DNAH10: variants seen among roughly 807,000 people sequenced by gnomAD.
The protein encoded by DNAH10 is dynein axonemal heavy chain 10.
In DNAH10, 348 loss-of-function variants were observed where a neutral mutation model predicts 506.6. That is an observed-to-expected ratio of 0.69 (90% CI 0.63 to 0.75). The LOEUF (loss-of-function observed/expected upper bound fraction) is 0.75. DNAH10 is among the 30% of genes least tolerant of loss of function. The pLI, the probability that DNAH10 is intolerant of heterozygous loss-of-function variation, is 0.00. For synonymous variants in DNAH10, 2,059 were observed against 2,198.6 expected (o/e 0.94, Z 1.78); for missense variants, 5,179 against 5,787.1 (o/e 0.89, Z 3.41).
Position 123,801,278 on chromosome 12 carries a change from C to G in DNAH10, c.2463-3C>G. ...AGGTTTATGACATTCCTGTCATGTGCAGGTACACAGCTGGGATACAGCGCA... is the reference window on the plus strand; with the variant it reads ...AGGTTTATGACATTCCTGTCATGTGGAGGTACACAGCTGGGATACAGCGCA... On this transcript the variant is annotated splice_polypyrimidine_tract_variant and splice_region_variant and intron_variant, in intron 15 of 78. Transcript: ENST00000673944. 6.2e-7 allele frequency: 1 copy of G among 1,613,248 alleles called. No homozygotes were observed. Among genetic ancestry groups the G allele is most frequent in the Non-Finnish European group, 8.5e-7 (1 of 1,179,602 alleles).
intron 13 of DNAH10, among the ~76,000 whole-genome samples, chr12:123,797,597 T>A (rs1958329192): frequency 6.6e-6 from 1 of 152,068 alleles, no homozygotes; most frequent in Admixed American, 6.5e-5. Flanking sequence ...TGCACCATGT[T>A]GCCTGCCCAG....
chr12:123,935,067 T>A, intron 78 of DNAH10: 1 of 599,630 alleles, frequency 1.7e-6, no homozygotes, highest in South Asian at 2.2e-5. Flanking sequence ...AGACATTGCC[T>A]GAGTCATAAA....
chr12:123,835,296 C>T, intron 27 of DNAH10, 110 bp from the exon 28 acceptor site: 2 of 1,302,090 alleles, frequency 1.5e-6, no homozygotes, highest in Non-Finnish European at 2.1e-6. Flanking sequence ...CTGGAAGGTC[C>T]TCCCACCTGA....
Position 123,919,038 on chromosome 12 carries a change from G to C in DNAH10, c.11506+89G>C, listed in dbSNP as rs767917994. ...GAAACGTGATCTGTGAAAATGGAAAGTTACCAAATAGCATTTTTTCTTTTT... is the reference window on the plus strand; with the variant it reads ...GAAACGTGATCTGTGAAAATGGAAACTTACCAAATAGCATTTTTTCTTTTT... On this transcript the variant is annotated intron_variant, in intron 65 of 78. Transcript: ENST00000673944. The surrounding 1 kb of genome is among the most constrained non-coding windows in gnomAD (Gnocchi z 4.9). 1.4e-6 allele frequency: 2 copies of C among 1,390,526 alleles called. No individual in the cohort carries two copies. Among genetic ancestry groups the C allele is most frequent in the Non-Finnish European group, 1.9e-6 (2 of 1,051,098 alleles). 86.1% of individuals were successfully genotyped at this position (1,390,526 alleles called of 1,614,324 possible).
chr12:123,799,687 T>C (rs1958413239), intron 14 of DNAH10, among the ~76,000 whole-genome samples: 1 of 152,206 alleles, frequency 6.6e-6, no homozygotes. Context: ...GAATCATATA[T>C]GAAACAGAGC....
Position 123,785,547 on chromosome 12 carries a change from G to T in DNAH10, c.1231-199G>T, listed in dbSNP as rs1327391687. ...CTTACTTGGGAGGCTGAGGTGGGAG[G>T]ATCACTTGAGTCCGCAGGGGAGTCG... is the stretch of plus-strand genomic sequence containing the variant. On this transcript the variant is annotated intron_variant, in intron 8 of 78. Coordinates refer to ENST00000673944, the MANE Select transcript of DNAH10 (RefSeq NM_001372106.1). This position sits in a 1 kb window ranked among gnomAD's most constrained non-coding sequence, Gnocchi z 4.1. Among the ~76,000 whole-genome samples, 2 of 151,540 alleles carry T rather than the reference G, an allele frequency of 1.3e-5. No individual in the cohort carries two copies. Among genetic ancestry groups the T allele is most frequent in the East Asian group, 3.9e-4 (2 of 5,174 alleles).
At position 123,785,694 on chromosome 12, in the gene DNAH10, T is replaced by A; in HGVS notation, c.1231-52T>A. 1 of 1,432,146 alleles carries A rather than the reference T, an allele frequency of 7.0e-7. No homozygotes were observed. Among genetic ancestry groups the A allele is most frequent in the Admixed American group, 2.3e-5 (1 of 44,146 alleles). 88.7% of individuals were successfully genotyped at this position (1,432,146 alleles called of 1,614,324 possible). The stretch of plus-strand genomic sequence containing the variant: ...GCATGCTTACTGTTTTATGAAACTA[T>A]TTGGACCCCAAGGCTAAGGGCTCTT... On this transcript the variant is annotated intron_variant, in intron 8 of 78. Transcript: ENST00000673944. The surrounding 1 kb of genome is among the most constrained non-coding windows in gnomAD (Gnocchi z 4.1).
At chr12:123,840,402 T>G (rs1193198598) in intron 29 of DNAH10, among the ~76,000 whole-genome samples, 3 of 136,804 alleles carry the variant, frequency 2.2e-5, no homozygotes, top group Admixed American at 7.3e-5. Context: ...CAGTTTTTTT[T>G]TTTTTTTTTT....
Position 123,929,719 on chromosome 12 carries a change from C to T in DNAH10, c.12572C>T (p.Pro4191Leu), listed in dbSNP as rs1955118083. 1 of 1,613,528 alleles carries T rather than the reference C, an allele frequency of 6.2e-7. No homozygotes were observed. The highest frequency in any genetic ancestry group is 8.5e-7 in the Non-Finnish European group (1 of 1,179,756). The change falls in exon 72 of 79, where the codon CCA becomes CTA. Residue 4191 changes from proline (P) to leucine (L), a missense_variant. Pro to Leu is a moderately conservative substitution (Grantham distance 98). This residue lies in a region of DNAH10 where 4,844 missense variants were observed against 5,430.5 expected (regional missense o/e 0.89). Coordinates refer to ENST00000673944, the MANE Select transcript of DNAH10 (RefSeq NM_001372106.1). ...YLTKAFQQRD[P>L]RIPWGSLKYL... Reference sequence around the variant, plus strand: ...ACGAAAGCCTTCCAGCAACGGGACCCAAGGATCCCGTGGGGCAGCCTCAAG... The same window carrying T: ...ACGAAAGCCTTCCAGCAACGGGACCTAAGGATCCCGTGGGGCAGCCTCAAG...
intron 25 of DNAH10, among the ~76,000 whole-genome samples, chr12:123,828,379 A>G (rs1156877902): frequency 6.6e-6 from 1 of 152,134 alleles, no homozygotes; most frequent in Non-Finnish European, 1.5e-5. Flanking sequence ...GATTCTGGCC[A>G]AGTTAGGTCA....
chr12:123,776,648 A>G (rs532903861), intron 5 of DNAH10, among the ~76,000 whole-genome samples: 2 of 151,996 alleles, frequency 1.3e-5, no homozygotes. Flanking sequence ...AAAAAAAAAA[A>G]AAGAAAAATA....
chr12:123,811,095 T>C (rs1445164894), intron 19 of DNAH10, among the ~76,000 whole-genome samples: 3 of 152,212 alleles, frequency 2.0e-5, no homozygotes, highest in Non-Finnish European at 4.4e-5. Context: ...CCACTTAATA[T>C]GGTTGAACTC....
At chr12:123,877,440 T>C (rs113367703) in intron 47 of DNAH10, among the ~76,000 whole-genome samples, 5,091 of 152,208 alleles carry the variant, frequency 0.033, 245 homozygotes, top group African/African-American at 0.11. Flanking sequence ...GCCTCCTGAG[T>C]AGCAGGAATT....
intron 29 of DNAH10, among the ~76,000 whole-genome samples, chr12:123,841,011 C>T (rs1424358845): frequency 6.6e-6 from 1 of 152,224 alleles, no homozygotes; most frequent in Non-Finnish European, 1.5e-5. Flanking sequence ...CTTCCGCCTC[C>T]TCCACGTTCC....
chr12:123,836,655 T>A (rs762921879), intron 28 of DNAH10, among the ~76,000 whole-genome samples: 1 of 152,216 alleles, frequency 6.6e-6, no homozygotes, highest in African/African-American at 2.4e-5. Flanking sequence ...TTGATCTCTT[T>A]TATCCACTAG....
Position 123,928,239 on chromosome 12 carries a change from C to A in DNAH10, c.12106-148C>A. ...TTCTCAAAGATGGTTTATTTGAAGG[C>A]TCCACCTGTAGCTCCTGGATCCTCG... is the stretch of plus-strand genomic sequence containing the variant. On this transcript the variant is annotated intron_variant, in intron 69 of 78. Transcript: ENST00000673944. This position sits in a 1 kb window ranked among gnomAD's most constrained non-coding sequence, Gnocchi z 4.9. The A allele has an allele frequency of 1.2e-6, 1 of 865,642 alleles. No homozygotes were observed. Among genetic ancestry groups the A allele is most frequent in the Non-Finnish European group, 1.7e-6 (1 of 573,462 alleles). The allele number at this position is 865,642 out of a possible 1,614,324, so 53.6% of individuals were successfully genotyped here. A position where few individuals can be genotyped will look rare whatever the true frequency, so the allele number is the denominator to read the frequency against.
intron 44 of DNAH10, 94 bp from the exon 45 acceptor site, chr12:123,871,363 G>T: frequency 7.1e-7 from 1 of 1,409,330 alleles, no homozygotes; most frequent in Non-Finnish European, 9.6e-7. Flanking sequence ...TGTTTTTTAT[G>T]GGATTTGTGG....
At chr12:123,791,268 A>G (rs1958070028) in intron 11 of DNAH10, among the ~76,000 whole-genome samples, 1 of 152,176 alleles carries the variant, frequency 6.6e-6, no homozygotes, top group Admixed American at 6.5e-5. Flanking sequence ...TGATAGCCTG[A>G]GGTGCGGGGA....
chr12:123,789,991 G>T lies in DNAH10; in HGVS notation c.1685G>T (p.Arg562Leu), dbSNP rs201031616. 6.2e-7 allele frequency: 1 copy of T among 1,614,000 alleles called. No individual in the cohort carries two copies. Among genetic ancestry groups the T allele is most frequent in the Admixed American group, 1.7e-5 (1 of 60,002 alleles). The change falls in exon 11 of 79, where the codon CGC (arginine) becomes CTC (leucine). Residue 562 changes from arginine to leucine, a missense_variant. Around this residue, in one of 3 missense-constraint regions of DNAH10, gnomAD observed 4,844 missense variants for 5,430.5 expected, o/e 0.89. Coordinates refer to ENST00000673944, the MANE Select transcript of DNAH10 (RefSeq NM_001372106.1). Reference sequence around the variant, plus strand: ...AAGGCAGTGACGGGGGACCCCAAGCGCATTGATGATGTCCTATGCAGAGTG... The same window carrying T: ...AAGGCAGTGACGGGGGACCCCAAGCTCATTGATGATGTCCTATGCAGAGTG... ...ELKAVTGDPK[R>L]IDDVLCRVDG...
Sources: gnomAD v4.1 joint callset for allele counts (sites outside exome capture counted in the v4.1 genomes callset) on GRCh38, gnomAD v4.1.1 for gene constraint, gnomAD v4.1.1 regional missense constraint, Gnocchi (gnomAD v3.1) non-coding constraint, MANE v1.5 for transcripts, NCBI Gene and HGNC (gene_info 2026-07-23, HGNC 2026-07-21) for gene names.